The following DHRS3 variants were observed in gnomAD, a reference collection of about 807,000 sequenced individuals.
The protein encoded by DHRS3 is dehydrogenase/reductase 3.
In DHRS3, 14 loss-of-function variants were observed where a neutral mutation model predicts 27.2. That is an observed-to-expected ratio of 0.52 (90% CI 0.34 to 0.81). The LOEUF (loss-of-function observed/expected upper bound fraction) is 0.81. Among genes scored for constraint, DHRS3 ranks in the 30% least tolerant of loss-of-function variants. The pLI, the probability that DHRS3 is intolerant of heterozygous loss-of-function variation, is 0.01. For synonymous variants in DHRS3, 165 were observed against 175.9 expected (o/e 0.94, Z 0.49); for missense variants, 322 against 406.2 (o/e 0.79, Z 1.78).
intron 5 of DHRS3, among the ~76,000 whole-genome samples, chr1:12,569,373 A>G (rs902745340): frequency 6.6e-6 from 1 of 151,650 alleles, no homozygotes; most frequent in Non-Finnish European, 1.5e-5. Flanking sequence ...AACAGAGCTC[A>G]TTTTTTTATT....
chr1:12,572,898 G>A, intron 4 of DHRS3, 45 bp from the exon 5 acceptor site: 1 of 1,528,444 alleles, frequency 6.5e-7, no homozygotes, highest in Non-Finnish European at 8.8e-7. Context: ...GGAGAGGCAT[G>A]TGCTTATCTG....
rs1355509121 is a variant in DHRS3, at chr1:12,618,040, C to T, written c.-692G>A. Among the ~76,000 whole-genome samples the T allele has an allele frequency of 2.0e-5, 3 of 152,122 alleles. No homozygotes were observed. Among genetic ancestry groups the T allele is most frequent in the Admixed American group, 1.3e-4 (2 of 15,280 alleles). On this transcript the variant is annotated 5_prime_UTR_variant, in exon 1 of 6. Transcript: ENST00000616661. This position sits in a 1 kb window ranked among gnomAD's most constrained non-coding sequence, Gnocchi z 4.2. The stretch of plus-strand genomic sequence containing the variant: ...TGTCAGTTTCTTTACGTGCAGCGCT[C>T]GCCCTCGCGCGCGCTCGCTCGCTCC...
chr1:12,583,631 A>C (rs111203734), intron 1 of DHRS3, among the ~76,000 whole-genome samples: 65 of 101,204 alleles, frequency 6.4e-4, no homozygotes, highest in African/African-American at 1.2e-3. Flanking sequence ...CCATCCATCC[A>C]TCCCTCCCTC....
At chr1:12,613,469 C>T (rs1365989263) in intron 1 of DHRS3, among the ~76,000 whole-genome samples, 1 of 152,176 alleles carries the variant, frequency 6.6e-6, no homozygotes, top group Non-Finnish European at 1.5e-5. Context: ...AACAGATACC[C>T]CAGGTAGGTT....
In DHRS3 at chr1:12,617,788, T is replaced by TAAAAAAAAAAAAAA. The variant is rs891272993; in HGVS notation, c.-454_-441dup. On this transcript the variant is annotated 5_prime_UTR_variant, in exon 1 of 6. Transcript: ENST00000616661. ...GTCCCGCGGTTTCAAAGTGCAAGAT[T>TAAAAAAAAAAAAAA]AAAAAAAAAAAAAAAAAAAAAAAAA... The TAAAAAAAAAAAAAA allele has an allele frequency of 9.8e-4, 3 of 3,070 alleles. 1 individual carries two copies. Among genetic ancestry groups the TAAAAAAAAAAAAAA allele is most frequent in the Non-Finnish European group, 1.5e-3 (3 of 1,964 alleles). The allele number at this position is 3,070 out of a possible 1,614,324, so 0.2% of individuals were successfully genotyped here.
intron 1 of DHRS3, chr1:12,596,119 C>G (rs1557526555): frequency 6.6e-6 from 1 of 152,374 alleles, no homozygotes; most frequent in Admixed American, 6.5e-5. Context: ...ATGCTGCAAA[C>G]GCCACCAGAC....
rs1167271072 is a variant in DHRS3, at chr1:12,594,180, T to C, written c.196-13514A>G. 6.6e-6 allele frequency among the ~76,000 whole-genome samples: 1 copy of C among 152,092 alleles called. No homozygotes were observed. ...CTGTCCACCGGGGTGGGATTCAAAT[T>C]TGGACAGTCTAAGTAACTCATGCAG... On this transcript the variant is annotated intron_variant, in intron 1 of 5. Transcript: ENST00000616661. The surrounding 1 kb of genome is among the most constrained non-coding windows in gnomAD (Gnocchi z 4.1).
At chr1:12,596,956 G>A (rs1646802444) in intron 1 of DHRS3, among the ~76,000 whole-genome samples, 1 of 152,038 alleles carries the variant, frequency 6.6e-6, no homozygotes, top group Non-Finnish European at 1.5e-5. Flanking sequence ...CCGGGGTGAC[G>A]AGGTCTTTGG....
chr1:12,584,976 TGA>T (rs1646680039), intron 1 of DHRS3, among the ~76,000 whole-genome samples: 1 of 151,636 alleles, frequency 6.6e-6, no homozygotes, highest in Non-Finnish European at 1.5e-5. Flanking sequence ...TCTCTCTGTA[TGA>T]GTGTATGTGT....
intron 5 of DHRS3, among the ~76,000 whole-genome samples, chr1:12,571,004 G>A (rs963573456): frequency 6.6e-6 from 1 of 152,228 alleles, no homozygotes; most frequent in African/African-American, 2.4e-5. Context: ...GCAGAAGTTG[G>A]CTTTCCTGGG....
intron 2 of DHRS3, 88 bp downstream of exon 2, chr1:12,580,435 C>T: frequency 1.3e-6 from 2 of 1,591,612 alleles, no homozygotes; most frequent in Non-Finnish European, 1.7e-6. Flanking sequence ...AAGCAGAGCT[C>T]TCTTCCAGGC....
intron 4 of DHRS3, among the ~76,000 whole-genome samples, chr1:12,573,881 G>C (rs1381709111): frequency 6.6e-6 from 1 of 152,182 alleles, no homozygotes; most frequent in Admixed American, 6.5e-5. Context: ...TCAGTAGGGC[G>C]CTAAGGATTC....
intron 1 of DHRS3, among the ~76,000 whole-genome samples, chr1:12,585,273 GTGTC>G (rs1646686456): frequency 6.6e-6 from 1 of 151,850 alleles, no homozygotes; most frequent in South Asian, 2.1e-4. Flanking sequence ...GTGTCTCTCT[GTGTC>G]TGTGTGTGTC....
intron 5 of DHRS3, among the ~76,000 whole-genome samples, chr1:12,568,792 T>C (rs1346431459): frequency 1.3e-5 from 2 of 152,242 alleles, no homozygotes; most frequent in East Asian, 3.9e-4. Flanking sequence ...CTGGGCATGG[T>C]GGCATGTGCC....
At chr1:12,573,006 A>G (rs1478758782) in intron 4 of DHRS3, among the ~76,000 whole-genome samples, 153 bp from the exon 5 acceptor site, 2 of 152,052 alleles carry the variant, frequency 1.3e-5, no homozygotes, top group East Asian at 3.9e-4. Flanking sequence ...CCCCACACCC[A>G]TCCAGGTGCC....
In DHRS3 at chr1:12,572,795, CT is replaced by C; in HGVS notation, c.756del (p.Ala253LeufsTer21). The C allele has an allele frequency of 6.2e-7, 1 of 1,612,002 alleles. No homozygotes were observed. Among genetic ancestry groups the C allele is most frequent in the Non-Finnish European group, 8.5e-7 (1 of 1,179,214 alleles). On this transcript the variant is annotated frameshift_variant, in exon 5 of 6. Transcript: ENST00000616661. LOFTEE classifies it high-confidence loss of function. ...KPETVARRTVEAVQLNQALLL... is the reference protein window; with the variant it reads ...KPETVARRTVXAVQLNQALLL... ...AGGAGGGCCTGGTTGAGCTGCACAG[CT>C]TCCACTGTCCTCCGGGCCACCGTCT...
At chr1:12,605,329 C>T (rs1396244469) in intron 1 of DHRS3, among the ~76,000 whole-genome samples, 1 of 152,012 alleles carries the variant, frequency 6.6e-6, no homozygotes. Flanking sequence ...TTAATATGGT[C>T]TTGTAGAGTA....
chr1:12,612,640 C>T (rs182089909), intron 1 of DHRS3, among the ~76,000 whole-genome samples: 41 of 152,328 alleles, frequency 2.7e-4, no homozygotes, highest in African/African-American at 9.1e-4. Context: ...CACGCCCATC[C>T]AGAACTTCAG....
chr1:12,602,365 G>A (rs542451162), intron 1 of DHRS3, among the ~76,000 whole-genome samples: 3 of 152,282 alleles, frequency 2.0e-5, no homozygotes, highest in East Asian at 1.9e-4. Flanking sequence ...GGGTGGAAGG[G>A]AGATGGCCAG....
Sources: allele counts gnomAD v4.1 joint callset (sites outside exome capture counted in the v4.1 genomes callset), GRCh38; gene constraint gnomAD v4.1.1; non-coding constraint Gnocchi (gnomAD v3.1); transcripts MANE v1.5; gene names NCBI Gene and HGNC (gene_info 2026-07-23, HGNC 2026-07-21).